NUDCD1: variants seen among roughly 807,000 people sequenced by gnomAD.
The protein encoded by NUDCD1 is NudC domain containing 1, also known as nudC domain-containing protein 1.
In NUDCD1, 60 loss-of-function variants were observed where a neutral mutation model predicts 67.8. That is an observed-to-expected ratio of 0.88 (90% CI 0.72 to 1.10). The LOEUF (loss-of-function observed/expected upper bound fraction) is 1.10. Ranked by LOEUF, NUDCD1 falls within the 50% of genes least tolerant of loss-of-function variation. The probability of loss-of-function intolerance (pLI) is 0.00; values close to 1 mark genes in which losing one functional copy is unlikely to be tolerated. For missense variants in NUDCD1, 643 were observed against 695.0 expected, an observed-to-expected ratio of 0.93 and a Z score of 0.84; for synonymous variants, 244 against 230.8, an observed-to-expected ratio of 1.06 and a Z score of -0.52.
At chr8:109,311,098 G>A (rs1815237539) in intron 2 of NUDCD1, among the ~76,000 whole-genome samples, 1 of 152,044 alleles carries the variant, frequency 6.6e-6, no homozygotes, top group African/African-American at 2.4e-5. Flanking sequence ...ACAGGCATAA[G>A]CCACCACACC....
At position 109,241,146 on chromosome 8, in the gene NUDCD1, C is replaced by G. The variant is rs1813356894; in HGVS notation, c.*1863G>C. ...AAATCACGGCTCTAGACCTATTCATCTTTTAACGTAGGTCAACATGCGACA... is the reference window on the plus strand; with the variant it reads ...AAATCACGGCTCTAGACCTATTCATGTTTTAACGTAGGTCAACATGCGACA... On this transcript the variant is annotated 3_prime_UTR_variant, in exon 10 of 10. Transcript: ENST00000239690. 1 of 152,056 alleles carries G rather than the reference C, an allele frequency of 6.6e-6. No homozygotes were observed. Among genetic ancestry groups the G allele is most frequent in the African/African-American group, 2.4e-5 (1 of 41,436 alleles). The allele number at this position is 152,056 out of a possible 1,614,324, so 9.4% of individuals were successfully genotyped here.
In NUDCD1 at chr8:109,246,651, A is replaced by T. The variant is rs925509756; in HGVS notation, c.1300-1170T>A. 2.0e-5 allele frequency among the ~76,000 whole-genome samples: 3 copies of T among 152,240 alleles called. No individual in the cohort carries two copies. In the South Asian group the frequency reaches 6.2e-4, roughly 32 times the overall value. ...ACAGCAATACTTTTTCTAAATGAAG[A>T]CATGTTGTAAGGATAGTCTTCTTTA... On this transcript the variant is annotated intron_variant, in intron 8 of 9. Coordinates refer to ENST00000239690, the MANE Select transcript of NUDCD1 (RefSeq NM_032869.4).
At chr8:109,329,720 T>C (rs1347209821) in intron 1 of NUDCD1, 14 of 1,245,572 alleles carry the variant, frequency 1.1e-5, no homozygotes, top group African/African-American at 1.5e-5. Flanking sequence ...ACTTCTTAAG[T>C]TGTACATTTT....
At position 109,333,949 on chromosome 8, in the gene NUDCD1, T is replaced by C; in HGVS notation, c.62A>G (p.Glu21Gly). The stretch of plus-strand genomic sequence containing the variant: ...CGGCTCAAGAGAGAGCTTGTAACCC[T>C]CGAAGCGGGGATCCAACAGAGGTCT... The part of the protein sequence containing the change: ...VKRPLLDPRF[E>G]GYKLSLEPLP... The change falls in exon 1 of 10, where the codon GAG (glutamate) becomes GGG (glycine). Residue 21 changes from glutamate (E) to glycine (G), a missense_variant. Glu to Gly is a moderately conservative substitution (Grantham distance 98). Coordinates refer to ENST00000239690, the MANE Select transcript of NUDCD1 (RefSeq NM_032869.4). 1.2e-6 allele frequency: 2 copies of C among 1,614,140 alleles called. No homozygotes were observed. Among genetic ancestry groups the C allele is most frequent in the Non-Finnish European group, 1.7e-6 (2 of 1,179,990 alleles).
intron 9 of NUDCD1, 126 bp downstream of exon 9, chr8:109,245,196 T>A: frequency 1.2e-6 from 1 of 867,594 alleles, no homozygotes; most frequent in East Asian, 2.7e-5. Flanking sequence ...AAACAAATCA[T>A]AGCGCAAATC....
chr8:109,258,732 C>T (rs1422360918), intron 8 of NUDCD1, among the ~76,000 whole-genome samples: 3 of 151,962 alleles, frequency 2.0e-5, no homozygotes, highest in African/African-American at 7.3e-5. Context: ...TCATTACTAT[C>T]CCAAGGAAAG....
Position 109,296,548 on chromosome 8 carries a change from G to A in NUDCD1, c.295C>T (p.Arg99Ter), listed in dbSNP as rs765954104. 4.8e-5 allele frequency: 77 copies of A among 1,607,574 alleles called. No homozygotes were observed. Among genetic ancestry groups the A allele is most frequent in the Non-Finnish European group, 5.4e-5 (63 of 1,175,468 alleles). The change falls in exon 3 of 10, where the codon CGA becomes TGA. Residue 99 changes from arginine (R) to a stop codon, truncating the protein, a stop_gained. Transcript: ENST00000239690. LOFTEE classifies it high-confidence loss of function. ...VMLDTALGKP[R>*]EVFRLPTDLT... ...TCTGTAGGAAGTCGAAACACCTCTCGTGGTTTTCCTAAGGCAGTGTCCTAA... is the reference window on the plus strand; with the variant it reads ...TCTGTAGGAAGTCGAAACACCTCTCATGGTTTTCCTAAGGCAGTGTCCTAA...
intron 7 of NUDCD1, among the ~76,000 whole-genome samples, chr8:109,275,105 C>T (rs569134616): frequency 1.8e-4 from 28 of 151,522 alleles, no homozygotes; most frequent in Middle Eastern, 3.4e-3. Flanking sequence ...ACAATACATA[C>T]GCACACATAA....
intron 6 of NUDCD1, among the ~76,000 whole-genome samples, chr8:109,280,566 G>C: frequency 6.6e-6 from 1 of 151,288 alleles, no homozygotes; most frequent in South Asian, 2.1e-4. Context: ...GCTTGTGTTG[G>C]AGGCAGACTT....
intron 2 of NUDCD1, among the ~76,000 whole-genome samples, chr8:109,310,127 T>G (rs1462092739): frequency 6.6e-6 from 1 of 151,874 alleles, no homozygotes; most frequent in Non-Finnish European, 1.5e-5. Context: ...AAAAAAAAAT[T>G]CACATGTAAC....
rs545870398 is a variant in NUDCD1 at position 109,324,691 on chromosome 8, T to G, written c.119-2228A>C. Among the ~76,000 whole-genome samples the G allele has an allele frequency of 9.9e-5, 15 of 152,112 alleles. No individual in the cohort carries two copies. In the South Asian group the frequency reaches 3.1e-3, roughly 32 times the overall value. The stretch of plus-strand genomic sequence containing the variant: ...CCAAAGGATGAACAGATAAAGAAAA[T>G]GTAGTATATACACACACTGAAATAC... On this transcript the variant is annotated intron_variant, in intron 1 of 9. Transcript: ENST00000239690.
At position 109,333,968 on chromosome 8, in the gene NUDCD1, G is replaced by C. The variant is rs764814960; in HGVS notation, c.43C>G (p.Leu15Val). The C allele has an allele frequency of 3.6e-5, 58 of 1,614,162 alleles. No homozygotes were observed. The highest frequency in any genetic ancestry group is 4.8e-5 in the Non-Finnish European group (57 of 1,179,984). The change falls in exon 1 of 10, where the codon CTG becomes GTG. Residue 15 changes from leucine (L) to valine (V), a missense_variant. Leu to Val is a conservative substitution (Grantham distance 32, BLOSUM62 1). Coordinates refer to ENST00000239690, the MANE Select transcript of NUDCD1 (RefSeq NM_032869.4). ...ANCSLRVKRP[L>V]LDPRFEGYKL... ...TAACCCTCGAAGCGGGGATCCAACA[G>C]AGGTCTCTTCACCCGTAGGGAGCAA...
intron 2 of NUDCD1, among the ~76,000 whole-genome samples, chr8:109,309,347 T>G (rs1458410379): frequency 6.6e-6 from 1 of 151,956 alleles, no homozygotes; most frequent in Non-Finnish European, 1.5e-5. Flanking sequence ...TAAACAGAAT[T>G]AAAAACAAAA....
At chr8:109,244,617 A>G (rs2129850192) in intron 9 of NUDCD1, among the ~76,000 whole-genome samples, 1 of 152,258 alleles carries the variant, frequency 6.6e-6, no homozygotes. Context: ...CCATCAAAAT[A>G]CGTAACTTCA....
intron 2 of NUDCD1, among the ~76,000 whole-genome samples, chr8:109,319,939 C>T (rs1815493745): frequency 1.3e-5 from 2 of 152,226 alleles, no homozygotes; most frequent in South Asian, 4.2e-4. Flanking sequence ...TCAGTAGGTT[C>T]CATGATGCCC....
chr8:109,270,378 T>C (rs1814122076), intron 8 of NUDCD1, among the ~76,000 whole-genome samples: 1 of 151,116 alleles, frequency 6.6e-6, no homozygotes, highest in East Asian at 1.9e-4. Context: ...CAATTAATAA[T>C]GATCAAACAA....
chr8:109,285,335 T>C (rs1477561349), intron 5 of NUDCD1, among the ~76,000 whole-genome samples: 2 of 152,098 alleles, frequency 1.3e-5, no homozygotes, highest in South Asian at 2.1e-4. Flanking sequence ...ATAACCTTGA[T>C]ACCAAAACCT....
intron 5 of NUDCD1, among the ~76,000 whole-genome samples, chr8:109,286,055 C>CAATAAT (rs564517197): frequency 2.6e-5 from 4 of 151,150 alleles, no homozygotes; most frequent in East Asian, 3.9e-4. Context: ...CTGTAGCTGC[C>CAATAAT]AATAATAATA....
At chr8:109,295,945 T>G (rs1308195728) in intron 3 of NUDCD1, among the ~76,000 whole-genome samples, 1 of 152,130 alleles carries the variant, frequency 6.6e-6, no homozygotes, top group Non-Finnish European at 1.5e-5. Context: ...AACTATATAT[T>G]TATATCATGT....
Sources: allele counts gnomAD v4.1 joint callset (sites outside exome capture counted in the v4.1 genomes callset), GRCh38; gene constraint gnomAD v4.1.1; transcripts MANE v1.5; gene names NCBI Gene and HGNC (gene_info 2026-07-23, HGNC 2026-07-21).